The following FGGY variants were observed in gnomAD, a reference collection of about 807,000 sequenced individuals.
FGGY encodes the protein FGGY carbohydrate kinase domain-containing protein.
A neutral mutation model predicts 71.3 loss-of-function variants in FGGY; 72 were observed. The observed-to-expected ratio is 1.01, with a 90% CI of 0.84 to 1.23. FGGY has a LOEUF of 1.23. Among genes scored for constraint, FGGY ranks in the 50% most tolerant of loss-of-function variants. The pLI, the probability that FGGY is intolerant of heterozygous loss-of-function variation, is 0.00. For synonymous variants in FGGY, 251 were observed against 250.3 expected, an observed-to-expected ratio of 1.00 and a Z score of -0.02; for missense variants, 668 against 682.3, an observed-to-expected ratio of 0.98 and a Z score of 0.23.
intron 5 of FGGY, among the ~76,000 whole-genome samples, chr1:59,404,354 C>T (rs1386784710): frequency 2.6e-5 from 4 of 151,710 alleles, no homozygotes; most frequent in Admixed American, 6.6e-5. Flanking sequence ...ACATGTATCC[C>T]GGAACTTAAG....
chr1:59,480,566 A>G (rs1445040094), intron 6 of FGGY, among the ~76,000 whole-genome samples: 1 of 152,296 alleles, frequency 6.6e-6, no homozygotes, highest in South Asian at 2.1e-4. Context: ...TGCCAGTCAC[A>G]TTTCAGCCTT....
At chr1:59,759,614 G>T (rs2098325592) in intron 15 of FGGY, among the ~76,000 whole-genome samples, 1 of 152,214 alleles carries the variant, frequency 6.6e-6, no homozygotes, top group Non-Finnish European at 1.5e-5. Flanking sequence ...TGCGAAGGAG[G>T]CGGCACACAC....
At chr1:59,521,036 T>G (rs921362019) in intron 7 of FGGY, among the ~76,000 whole-genome samples, 802 of 129,094 alleles carry the variant, frequency 6.2e-3, no homozygotes, top group South Asian at 8.1e-3. Context: ...AAATTGGGGG[T>G]GGGGGGGGAT....
intron 8 of FGGY, among the ~76,000 whole-genome samples, chr1:59,586,199 A>G (rs1432285902): frequency 6.6e-6 from 1 of 152,216 alleles, no homozygotes; most frequent in Non-Finnish European, 1.5e-5. Flanking sequence ...TACTATAAAG[A>G]CACATGCACA....
intron 14 of FGGY, among the ~76,000 whole-genome samples, chr1:59,736,433 A>G (rs1192386869): frequency 1.3e-5 from 2 of 152,074 alleles, no homozygotes; most frequent in African/African-American, 4.8e-5. Flanking sequence ...CTCCCTAGAG[A>G]CTTGTTGAAT....
chr1:59,404,015 A>G (rs2153412077), intron 5 of FGGY, among the ~76,000 whole-genome samples: 1 of 152,344 alleles, frequency 6.6e-6, no homozygotes, highest in South Asian at 2.1e-4. Context: ...AAATTATATA[A>G]TTCATAATGA....
intron 5 of FGGY, among the ~76,000 whole-genome samples, chr1:59,381,107 T>C (rs1287828953): frequency 1.3e-5 from 2 of 152,214 alleles, no homozygotes; most frequent in Non-Finnish European, 2.9e-5. Flanking sequence ...GTTGTAGATA[T>C]GTGGCATTAT....
chr1:59,374,525 A>G (rs1214940834), intron 4 of FGGY, among the ~76,000 whole-genome samples: 1 of 152,012 alleles, frequency 6.6e-6, no homozygotes, highest in Non-Finnish European at 1.5e-5. Flanking sequence ...AACTAGAAAT[A>G]CCATTTGACC....
chr1:59,705,343 T>A (rs890275012), intron 14 of FGGY, among the ~76,000 whole-genome samples: 3 of 152,210 alleles, frequency 2.0e-5, no homozygotes, highest in Admixed American at 2.0e-4. Context: ...AAGCTGTGTT[T>A]TTCAGACTGA....
intron 6 of FGGY, among the ~76,000 whole-genome samples, chr1:59,475,887 G>A (rs2093242083): frequency 6.6e-6 from 1 of 152,168 alleles, no homozygotes; most frequent in Admixed American, 6.5e-5. Context: ...ATCAGATCAT[G>A]TTACTCTCCT....
chr1:59,364,148 G>A lies in FGGY; in HGVS notation c.466-14601G>A, dbSNP rs74085986. On this transcript the variant is annotated intron_variant, in intron 4 of 15. Transcript: ENST00000303721. ...AACAGATGCCAGGTTATCCTCAGGT[G>A]TCCCAGAGCGCTCAACATTTGATGG... 2.7e-3 allele frequency among the ~76,000 whole-genome samples: 413 copies of A among 152,280 alleles called. 1 individual carries two copies. The highest frequency in any genetic ancestry group is 9.6e-3 in the African/African-American group (400 of 41,558).
At chr1:59,602,931 A>G (rs2096591531) in intron 8 of FGGY, among the ~76,000 whole-genome samples, 1 of 151,972 alleles carries the variant, frequency 6.6e-6, no homozygotes, top group South Asian at 2.1e-4. Flanking sequence ...TAGTAGTAGT[A>G]ATAGTAATAG....
intron 8 of FGGY, among the ~76,000 whole-genome samples, chr1:59,570,526 GT>G (rs900738332): frequency 6.6e-6 from 1 of 152,148 alleles, no homozygotes; most frequent in African/African-American, 2.4e-5. Context: ...CTTGGACAAA[GT>G]ACCTGGTAGA....
intron 6 of FGGY, among the ~76,000 whole-genome samples, chr1:59,504,418 G>A (rs1180731147): frequency 2.6e-5 from 4 of 152,142 alleles, no homozygotes; most frequent in Non-Finnish European, 5.9e-5. Context: ...GCGTGGGGTT[G>A]GGGGCATTCT....
intron 14 of FGGY, among the ~76,000 whole-genome samples, chr1:59,692,703 T>A (rs771767886): frequency 3.3e-5 from 5 of 151,942 alleles, no homozygotes; most frequent in Non-Finnish European, 5.9e-5. Context: ...GAAGATAGTC[T>A]TCTTGCATGG....
chr1:59,439,205 C>G (rs973643887), intron 5 of FGGY, among the ~76,000 whole-genome samples: 5 of 152,162 alleles, frequency 3.3e-5, no homozygotes, highest in African/African-American at 1.2e-4. Context: ...GTGTGCCTGA[C>G]ACCTTGCATG....
At chr1:59,425,716 C>A (rs748193128) in intron 5 of FGGY, among the ~76,000 whole-genome samples, 22 of 152,292 alleles carry the variant, frequency 1.4e-4, no homozygotes, top group Admixed American at 3.3e-4. Context: ...TTTTTTCCAG[C>A]CACCTCTGTT....
intron 1 of FGGY, among the ~76,000 whole-genome samples, chr1:59,306,519 G>A (rs968622710): frequency 6.6e-6 from 1 of 152,206 alleles, no homozygotes; most frequent in South Asian, 2.1e-4. Flanking sequence ...GAGAAATCGT[G>A]TGGAGAAGCC....
chr1:59,508,003 C>T (rs2094436341), intron 6 of FGGY, among the ~76,000 whole-genome samples: 1 of 152,156 alleles, frequency 6.6e-6, no homozygotes, highest in African/African-American at 2.4e-5. Flanking sequence ...GCCTCAAACA[C>T]ACCATGCCCC....
Sources: gnomAD v4.1 joint callset for allele counts (sites outside exome capture counted in the v4.1 genomes callset) on GRCh38, gnomAD v4.1.1 for gene constraint, MANE v1.5 for transcripts, NCBI Gene and HGNC (gene_info 2026-07-23, HGNC 2026-07-21) for gene names.